SLC38A7: variants seen among roughly 807,000 people sequenced by gnomAD.
SLC38A7 encodes the protein sodium-coupled neutral amino acid transporter 7.
SLC38A7 carries 29 observed loss-of-function variants against 50.1 expected under a neutral mutation model. That is an observed-to-expected ratio of 0.58 (90% confidence interval 0.43 to 0.79). The LOEUF is 0.79. SLC38A7 is among the 30% of genes least tolerant of loss of function. SLC38A7 has a pLI of 0.00. For missense variants in SLC38A7, 483 were observed against 610.6 expected (o/e 0.79, Z 2.20); for synonymous variants, 244 against 245.9 (o/e 0.99, Z 0.07).
At position 58,680,194 on chromosome 16, in the gene SLC38A7, G is replaced by A. The variant is rs2044361212; in HGVS notation, c.-68C>T. On this transcript the variant is annotated 5_prime_UTR_variant, in exon 3 of 12. Transcript: ENST00000219320. The stretch of plus-strand genomic sequence containing the variant: ...TTACAACCACATGCCTCAGGGAGCT[G>A]AGCAACACCCACCTGTTTGGGGCTG... 2.7e-6 allele frequency: 4 copies of A among 1,472,704 alleles called. No homozygotes were observed. Among genetic ancestry groups the A allele is most frequent in the East Asian group, 2.4e-5 (1 of 42,284 alleles). The allele number at this position is 1,472,704 out of a possible 1,614,324, so 91.2% of individuals were successfully genotyped here.
In SLC38A7 at chr16:58,677,328, G is replaced by C. The variant is rs537525216; in HGVS notation, c.708C>G (p.Thr236=). The change falls in exon 6 of 12, where the codon ACC becomes ACG. Residue 236 remains threonine (T), a splice_region_variant and synonymous_variant. Coordinates refer to ENST00000219320, the MANE Select transcript of SLC38A7 (RefSeq NM_018231.3). ...TCTCCTAGGGCCCTCACCCTCACCT[G>C]GTCAGGATGTTCCCTGGGGTCATCT... ...DKEMTPGNIL[T]RPASWMAVFN... 4 of 1,613,746 alleles carry C rather than the reference G, an allele frequency of 2.5e-6. No individual in the cohort carries two copies. The African/African-American group carries it at 5.3e-5, about 22-fold the overall frequency.
In SLC38A7 at chr16:58,678,377, C is replaced by A; in HGVS notation, c.567G>T (p.Leu189=). Residue 189 remains leucine (L), a synonymous_variant, in exon 5 of 12, where the codon CTG becomes CTT. Coordinates refer to ENST00000219320, the MANE Select transcript of SLC38A7 (RefSeq NM_018231.3). The surrounding 1 kb of genome is among the most constrained non-coding windows in gnomAD (Gnocchi z 4.0). ...CAATCTCCCTGGGGATGGAGAGGGG[C>A]AGGATGAAGAGGAAGGCAGTGAGGC... ...TISLTAFLFI[L]PLSIPREIGF... 6.3e-7 allele frequency: 1 copy of A among 1,598,668 alleles called. No homozygotes were observed.
At chr16:58,670,280 T>C (rs2044134953) in intron 10 of SLC38A7, 113 bp from the exon 11 acceptor site, 1 of 979,364 alleles carries the variant, frequency 1.0e-6, no homozygotes, top group South Asian at 1.5e-5. Flanking sequence ...ATGTTTACTC[T>C]TCTAGAAATT....
intron 2 of SLC38A7, among the ~76,000 whole-genome samples, chr16:58,682,279 C>T (rs1229540292): frequency 6.6e-6 from 1 of 152,122 alleles, no homozygotes; most frequent in South Asian, 2.1e-4. Flanking sequence ...ATTTCAAGGG[C>T]AGGAACTAAG....
intron 11 of SLC38A7, 125 bp downstream of exon 11, chr16:58,669,987 AC>A: frequency 1.2e-5 from 10 of 850,792 alleles, no homozygotes; most frequent in African/African-American, 3.5e-5. Context: ...AAAAAAAAAA[AC>A]AAAACAAAAA....
At chr16:58,673,679 T>C (rs2152077097) in intron 8 of SLC38A7, among the ~76,000 whole-genome samples, 1 of 146,978 alleles carries the variant, frequency 6.8e-6, no homozygotes, top group East Asian at 2.1e-4. Context: ...TTTTTTTTTT[T>C]TTAAAGACAG....
Position 58,667,176 on chromosome 16 carries a change from C to T in SLC38A7, c.*209G>A, listed in dbSNP as rs377144499. 18 of 522,584 alleles carry T rather than the reference C, an allele frequency of 3.4e-5. No homozygotes were observed. Among genetic ancestry groups the T allele is most frequent in the South Asian group, 8.6e-5 (3 of 34,912 alleles). The allele number at this position is 522,584 out of a possible 1,614,324, so 32.4% of individuals were successfully genotyped here. Reference sequence around the variant, plus strand: ...ATGTGAGACTTCCTGCCGCCATCCACGGCACTGCCAGGACTGGGGAGCAGG... The same window carrying T: ...ATGTGAGACTTCCTGCCGCCATCCATGGCACTGCCAGGACTGGGGAGCAGG... On this transcript the variant is annotated 3_prime_UTR_variant, in exon 12 of 12. Coordinates refer to ENST00000219320, the MANE Select transcript of SLC38A7 (RefSeq NM_018231.3).
intron 6 of SLC38A7, 35 bp from the exon 7 acceptor site, chr16:58,676,381 A>C (rs757375071): frequency 1.2e-6 from 2 of 1,613,556 alleles, no homozygotes; most frequent in East Asian, 4.5e-5. Context: ...GCCACCTGGG[A>C]ACCCCTCAGA....
At chr16:58,683,096 C>G (rs1045304056) in intron 2 of SLC38A7, among the ~76,000 whole-genome samples, 1 of 151,602 alleles carries the variant, frequency 6.6e-6, no homozygotes, top group Non-Finnish European at 1.5e-5. Context: ...CCAGGCTGGT[C>G]TTGAACTCCT....
At position 58,683,158 on chromosome 16, in the gene SLC38A7, C is replaced by A. The variant is rs558919939; in HGVS notation, c.-116+797G>T. Among the ~76,000 whole-genome samples the A allele has an allele frequency of 2.0e-5, 3 of 152,158 alleles. No homozygotes were observed. In the South Asian group the frequency reaches 6.2e-4, roughly 32 times the overall value. On this transcript the variant is annotated intron_variant, in intron 2 of 11. Transcript: ENST00000219320. The stretch of plus-strand genomic sequence containing the variant: ...CCTCCCAAAGTGCTGGGATTACAGG[C>A]GTGAGCCACAGCCCCCAGCCTGGTT...
intron 8 of SLC38A7, chr16:58,675,372 G>A (rs1429385006): frequency 4.0e-5 from 17 of 423,554 alleles, no homozygotes; most frequent in Non-Finnish European, 6.9e-5. Context: ...AAAATTAGCT[G>A]GGCACAATGG....
At chr16:58,671,809 T>A in intron 9 of SLC38A7, 1 of 281,698 alleles carries the variant, frequency 3.5e-6, no homozygotes, top group Non-Finnish European at 6.7e-6. Context: ...GCTCAAGCGA[T>A]CCTTCTGCCT....
intron 11 of SLC38A7, among the ~76,000 whole-genome samples, chr16:58,668,713 C>CAAAAAAAAAA (rs71155292): frequency 3.0e-5 from 1 of 33,818 alleles, no homozygotes; most frequent in African/African-American, 1.0e-4. Context: ...AACTCCATCT[C>CAAAAAAAAAA]AAAAAAAAAA....
chr16:58,676,208 G>C (rs2044262874), intron 7 of SLC38A7, 81 bp downstream of exon 7: 1 of 1,597,440 alleles, frequency 6.3e-7, no homozygotes, highest in Non-Finnish European at 8.6e-7. Flanking sequence ...ATTCTGCCTG[G>C]GTTCCTCCTC....
rs763292601 is a variant in SLC38A7, at chr16:58,671,201, C to T, written c.1075G>A (p.Val359Met). ...GLWLRYQGVPVEEDVGRERRR... is the reference protein window; with the variant it reads ...GLWLRYQGVPMEEDVGRERRR... ...CGCTCCCGCCCCACGTCCTCCTCCA[C>T]TGGCACCCCCTGGTAGCGCAGCCAC... Residue 359 changes from valine (V) to methionine (M), a missense_variant, in exon 10 of 12, where the codon GTG (valine) becomes ATG (methionine). Transcript: ENST00000219320. 39 of 1,613,852 alleles carry T rather than the reference C, an allele frequency of 2.4e-5. No homozygotes were observed. The highest frequency in any genetic ancestry group is 3.3e-5 in the Non-Finnish European group (39 of 1,179,934).
In SLC38A7 at chr16:58,667,399, C is replaced by T. The variant is rs906667317; in HGVS notation, c.1375G>A (p.Asp459Asn). 45 of 1,613,936 alleles carry T rather than the reference C, an allele frequency of 2.8e-5. No individual in the cohort carries two copies. Among genetic ancestry groups the T allele is most frequent in the Non-Finnish European group, 3.8e-5 (45 of 1,180,030 alleles). Residue 459 changes from aspartate to asparagine, a missense_variant, in exon 12 of 12, where the codon GAT becomes AAT. Physicochemically the swap from Asp to Asn is conservative, Grantham distance 23. Transcript: ENST00000219320. ...GGAGGCAGTGGTTATGCCAAGAGAT[C>T]CACAAAGATGGCGTTGGCTGTGGTC... ...GQTTANAIFVDLLA is the reference protein window; with the variant it reads ...GQTTANAIFVNLLA
At chr16:58,670,579 C>G (rs1160596001) in intron 10 of SLC38A7, among the ~76,000 whole-genome samples, 9 of 152,334 alleles carry the variant, frequency 5.9e-5, no homozygotes, top group African/African-American at 2.2e-4. Flanking sequence ...GGACAGTTCT[C>G]CAGGGATCTG....
intron 3 of SLC38A7, among the ~76,000 whole-genome samples, chr16:58,679,217 C>G (rs1193115807): frequency 6.6e-6 from 1 of 151,900 alleles, no homozygotes; most frequent in Non-Finnish European, 1.5e-5. Flanking sequence ...CATGGTAAAA[C>G]CCCGTCTCTA....
At position 58,680,068 on chromosome 16, in the gene SLC38A7, C is replaced by A; in HGVS notation, c.59G>T (p.Gly20Val). 6.3e-7 allele frequency: 1 copy of A among 1,576,422 alleles called. No homozygotes were observed. The part of the protein sequence containing the change: ...YSEWDLSTDA[G>V]ERARLLQSPC... The stretch of plus-strand genomic sequence containing the variant: ...ACTCTGCAGCAGCCGAGCCCGCTCC[C>A]CGGCATCCGTGCTCAAGTCCCACTC... Residue 20 changes from glycine to valine, a missense_variant, in exon 3 of 12, where the codon GGG (glycine) becomes GTG (valine). Coordinates refer to ENST00000219320, the MANE Select transcript of SLC38A7 (RefSeq NM_018231.3).
Sources: gnomAD v4.1 joint callset for allele counts (sites outside exome capture counted in the v4.1 genomes callset) on GRCh38, gnomAD v4.1.1 for gene constraint, Gnocchi (gnomAD v3.1) non-coding constraint, MANE v1.5 for transcripts, NCBI Gene and HGNC (gene_info 2026-07-23, HGNC 2026-07-21) for gene names.